CCDC172: variants seen among roughly 807,000 people sequenced by gnomAD.
CCDC172 encodes coiled-coil domain containing 172.
In CCDC172, 30 loss-of-function variants were observed where a neutral mutation model predicts 38.0. The ratio of observed to expected loss-of-function variants is 0.79; its 90% CI spans 0.59 to 1.07. CCDC172 has a LOEUF of 1.07. Among genes scored for constraint, CCDC172 ranks in the 50% least tolerant of loss-of-function variants. The pLI, the probability that CCDC172 is intolerant of heterozygous loss-of-function variation, is 0.00. For synonymous variants in CCDC172, 78 were observed against 88.3 expected (o/e 0.88, Z 0.66); for missense variants, 297 against 290.1 (o/e 1.02, Z -0.17).
chr10:116,351,615 C>T (rs138470145), intron 5 of CCDC172, among the ~76,000 whole-genome samples: 98 of 152,144 alleles, frequency 6.4e-4, no homozygotes, highest in African/African-American at 2.1e-3. Flanking sequence ...AGAACTTTTA[C>T]GTATCGTCAT....
At chr10:116,328,124 A>G (rs1475161074) in intron 3 of CCDC172, among the ~76,000 whole-genome samples, 2 of 151,858 alleles carry the variant, frequency 1.3e-5, no homozygotes, top group Admixed American at 1.3e-4. Flanking sequence ...TACAGTATTC[A>G]TTTTTTTTCT....
intron 7 of CCDC172, among the ~76,000 whole-genome samples, chr10:116,366,331 G>A (rs2134962536): frequency 6.6e-6 from 1 of 151,964 alleles, no homozygotes; most frequent in South Asian, 2.1e-4. Context: ...ATTTTCTTGT[G>A]CATGTCGTTC....
In CCDC172 at chr10:116,379,443, G is replaced by A. The variant is rs146631810; in HGVS notation, c.*85G>A. ...TGTGATAGATATATGAATGGTACCC[G>A]TTACAACGGATCCTTGTGGGAAATA... On this transcript the variant is annotated 3_prime_UTR_variant, in exon 9 of 9. Coordinates refer to ENST00000333254, the MANE Select transcript of CCDC172 (RefSeq NM_198515.3). 24 of 811,858 alleles carry A rather than the reference G, an allele frequency of 3.0e-5. No individual in the cohort carries two copies. Among genetic ancestry groups the A allele is most frequent in the Admixed American group, 5.3e-5 (2 of 37,524 alleles). The allele number at this position is 811,858 out of a possible 1,614,324, so 50.3% of individuals were successfully genotyped here.
intron 5 of CCDC172, among the ~76,000 whole-genome samples, chr10:116,354,016 TGTC>T (rs2134943573): frequency 6.6e-6 from 1 of 152,310 alleles, no homozygotes; most frequent in South Asian, 2.1e-4. Flanking sequence ...ATTACAAACA[TGTC>T]CACACAAGAC....
At chr10:116,363,092 T>C (rs1041731356) in intron 7 of CCDC172, among the ~76,000 whole-genome samples, 9 of 152,224 alleles carry the variant, frequency 5.9e-5, no homozygotes, top group Admixed American at 1.3e-4. Flanking sequence ...TCTAAATTCA[T>C]TGGTATCTTT....
In CCDC172 at chr10:116,350,877, A is replaced by G. The variant is rs116798489; in HGVS notation, c.449-6503A>G. Among the ~76,000 whole-genome samples the G allele has an allele frequency of 8.3e-3, 1,271 of 152,320 alleles. 17 individuals are homozygous for G. Among genetic ancestry groups the G allele is most frequent in the African/African-American group, 0.029 (1,200 of 41,568 alleles). On this transcript the variant is annotated intron_variant, in intron 5 of 8. Transcript: ENST00000333254. ...AAATTAAAAAGTGATTGCCACATCA[A>G]TTATACCTAAATAAAGCTGTAAATA...
intron 7 of CCDC172, among the ~76,000 whole-genome samples, chr10:116,369,129 T>C (rs1048391383): frequency 6.6e-6 from 1 of 152,070 alleles, no homozygotes; most frequent in Non-Finnish European, 1.5e-5. Context: ...TTTTTTCTTA[T>C]GATTATAAAT....
chr10:116,343,247 C>G (rs529887372), intron 5 of CCDC172, among the ~76,000 whole-genome samples: 1 of 152,110 alleles, frequency 6.6e-6, no homozygotes, highest in Non-Finnish European at 1.5e-5. Context: ...AGTACATGTC[C>G]TCTTGATCTG....
intron 3 of CCDC172, among the ~76,000 whole-genome samples, chr10:116,326,844 G>T (rs2134897966): frequency 6.6e-6 from 1 of 152,224 alleles, no homozygotes; most frequent in South Asian, 2.1e-4. Flanking sequence ...TTTTAAAATA[G>T]AATTTGTAAC....
chr10:116,364,042 A>G (rs1329273461), intron 7 of CCDC172, among the ~76,000 whole-genome samples: 1 of 152,150 alleles, frequency 6.6e-6, no homozygotes, highest in Non-Finnish European at 1.5e-5. Flanking sequence ...ATGATAAACA[A>G]AGGATAACAG....
intron 7 of CCDC172, among the ~76,000 whole-genome samples, chr10:116,378,167 C>T (rs190701977): frequency 4.6e-5 from 7 of 152,128 alleles, no homozygotes; most frequent in South Asian, 2.1e-4. Flanking sequence ...GATGACAGAG[C>T]GAGACTCCAT....
At chr10:116,355,207 GGTAA>G (rs1844980481) in intron 5 of CCDC172, among the ~76,000 whole-genome samples, 1 of 152,168 alleles carries the variant, frequency 6.6e-6, no homozygotes. Flanking sequence ...CTCCATTCAT[GGTAA>G]GTATCTTACA....
At chr10:116,368,623 C>A (rs1384980274) in intron 7 of CCDC172, among the ~76,000 whole-genome samples, 1 of 151,856 alleles carries the variant, frequency 6.6e-6, no homozygotes, top group Non-Finnish European at 1.5e-5. Flanking sequence ...GAAGGTGTTC[C>A]AGGCTCTTCT....
At chr10:116,333,896 T>TA (rs769127570) in intron 3 of CCDC172, among the ~76,000 whole-genome samples, 3 of 152,200 alleles carry the variant, frequency 2.0e-5, no homozygotes, top group African/African-American at 4.8e-5. Flanking sequence ...ACTGGCGACT[T>TA]ACAGCTGTAC....
At chr10:116,356,477 C>G (rs1844998690) in intron 5 of CCDC172, among the ~76,000 whole-genome samples, 1 of 151,732 alleles carries the variant, frequency 6.6e-6, no homozygotes, top group African/African-American at 2.4e-5. Context: ...AAGAAGAGAC[C>G]AGTGAATTTA....
chr10:116,330,871 C>G (rs998910534), intron 3 of CCDC172, among the ~76,000 whole-genome samples: 1 of 151,906 alleles, frequency 6.6e-6, no homozygotes, highest in Non-Finnish European at 1.5e-5. Context: ...GTAGCTGGGA[C>G]TACAGGCCTC....
At chr10:116,334,592 T>C (rs920458207) in intron 3 of CCDC172, among the ~76,000 whole-genome samples, 7 of 152,078 alleles carry the variant, frequency 4.6e-5, no homozygotes, top group African/African-American at 1.7e-4. Context: ...CCATTAAATG[T>C]AATACTATAT....
chr10:116,339,468 T>C (rs923484380), intron 3 of CCDC172, among the ~76,000 whole-genome samples: 1 of 151,928 alleles, frequency 6.6e-6, no homozygotes, highest in African/African-American at 2.4e-5. Flanking sequence ...TGGCCATATG[T>C]TTTCTAATTT....
At chr10:116,356,216 G>T (rs1188212943) in intron 5 of CCDC172, among the ~76,000 whole-genome samples, 1 of 152,030 alleles carries the variant, frequency 6.6e-6, no homozygotes, top group Non-Finnish European at 1.5e-5. Flanking sequence ...TGTAATCGCA[G>T]CTGCTTAGGA....
Sources: allele counts gnomAD v4.1 joint callset (sites outside exome capture counted in the v4.1 genomes callset), GRCh38; gene constraint gnomAD v4.1.1; transcripts MANE v1.5; gene names NCBI Gene and HGNC (gene_info 2026-07-23, HGNC 2026-07-21).